The following INSL6 variants were observed in gnomAD, a reference collection of about 807,000 sequenced individuals.
INSL6 encodes the protein insulin like 6.
A neutral mutation model predicts 9.4 loss-of-function variants in INSL6; 16 were observed. That is an observed-to-expected ratio of 1.70 (90% CI 1.15 to 2.59). The LOEUF is 2.59. Among genes scored for constraint, INSL6 ranks in the 30% most tolerant of loss-of-function variants. INSL6 has a pLI of 0.00. For missense variants in INSL6, 391 were observed against 257.3 expected (o/e 1.52, Z -3.56); for synonymous variants, 154 against 96.9 (o/e 1.59, Z -3.46).
chr9:5,023,437 G>A, the INSL6 span, among the ~76,000 whole-genome samples: 2 of 152,280 alleles, frequency 1.3e-5, no homozygotes, highest in East Asian at 1.9e-4. Flanking sequence ...AGGACTCGGG[G>A]GGAGCGTGGG....
At chr9:5,016,975 G>A in the INSL6 span, among the ~76,000 whole-genome samples, 1 of 152,152 alleles carries the variant, frequency 6.6e-6, no homozygotes, top group Non-Finnish European at 1.5e-5. Context: ...AAAGTATGTA[G>A]TCATTTTTGA....
the INSL6 span, chr9:5,041,363 A>C: frequency 4.8e-6 from 3 of 629,076 alleles, no homozygotes; most frequent in Non-Finnish European, 8.8e-6. Flanking sequence ...CATGAGCATC[A>C]ACATGCACCT....
the INSL6 span, chr9:5,110,729 G>T: frequency 2.8e-6 from 1 of 361,144 alleles, no homozygotes; most frequent in African/African-American, 2.1e-5. Context: ...GCTGGCTATA[G>T]TACCCGTGTT....
chr9:5,168,750 T>A (rs1586873654), intron 1 of INSL6, among the ~76,000 whole-genome samples: 1 of 152,070 alleles, frequency 6.6e-6, no homozygotes, highest in East Asian at 1.9e-4. Context: ...AGATACTTCA[T>A]GAGAAGATCA....
At chr9:5,000,191 T>C in the INSL6 span, among the ~76,000 whole-genome samples, 4 of 152,314 alleles carry the variant, frequency 2.6e-5, no homozygotes, top group Admixed American at 6.5e-5. Context: ...GTTTATAATA[T>C]GCAGTCAAAT....
chr9:5,017,266 A>C, the INSL6 span, among the ~76,000 whole-genome samples: 2 of 152,236 alleles, frequency 1.3e-5, no homozygotes, highest in African/African-American at 4.8e-5. Flanking sequence ...GGTCTACTAA[A>C]AGATACATTT....
At chr9:4,995,492 A>C in the INSL6 span, among the ~76,000 whole-genome samples, 1 of 152,230 alleles carries the variant, frequency 6.6e-6, no homozygotes. Flanking sequence ...GTCCAGTTTC[A>C]ATACTATTTG....
the INSL6 span, among the ~76,000 whole-genome samples, chr9:4,998,237 GA>G: frequency 6.6e-6 from 1 of 151,700 alleles, no homozygotes; most frequent in South Asian, 2.1e-4. Flanking sequence ...GATCTTAAGG[GA>G]AAAAAAACTC....
chr9:5,120,634 A>C (rs891453307), downstream of INSL6, among the ~76,000 whole-genome samples: 1 of 152,174 alleles, frequency 6.6e-6, no homozygotes, highest in Non-Finnish European at 1.5e-5. Context: ...AGAAGTACCC[A>C]TTGGATGATC....
At chr9:5,053,665 C>G in the INSL6 span, among the ~76,000 whole-genome samples, 2 of 151,976 alleles carry the variant, frequency 1.3e-5, no homozygotes, top group African/African-American at 4.8e-5. Context: ...TGGCTATGTA[C>G]ATGCTTTCAA....
At chr9:5,012,861 G>T in the INSL6 span, among the ~76,000 whole-genome samples, 1 of 152,114 alleles carries the variant, frequency 6.6e-6, no homozygotes, top group Non-Finnish European at 1.5e-5. Flanking sequence ...AAATATGAGG[G>T]TGGCTCCTGT....
chr9:5,028,741 T>C, the INSL6 span, among the ~76,000 whole-genome samples: 1 of 152,230 alleles, frequency 6.6e-6, no homozygotes, highest in Non-Finnish European at 1.5e-5. Context: ...TTTCTTTTCT[T>C]AAACCTCATG....
At chr9:5,050,417 T>TATA in the INSL6 span, among the ~76,000 whole-genome samples, 7 of 152,108 alleles carry the variant, frequency 4.6e-5, no homozygotes, top group African/African-American at 1.2e-4. Context: ...ACTGCAGGTA[T>TATA]GTGCCACCAT....
At chr9:5,164,553 A>G (rs185692563) in intron 1 of INSL6, among the ~76,000 whole-genome samples, 38 of 152,342 alleles carry the variant, frequency 2.5e-4, no homozygotes, top group Admixed American at 1.4e-3. Flanking sequence ...GGGTCTTAGT[A>G]TATTCGCAGG....
chr9:5,109,128 A>T, the INSL6 span: 2 of 152,016 alleles, frequency 1.3e-5, no homozygotes, highest in Non-Finnish European at 2.9e-5. Flanking sequence ...ACTAATTACA[A>T]CCCTCTACTC....
chr9:5,140,593 T>C (rs1348772524), intron 2 of INSL6, among the ~76,000 whole-genome samples: 1 of 152,152 alleles, frequency 6.6e-6, no homozygotes, highest in Non-Finnish European at 1.5e-5. Flanking sequence ...ATGTCATTCT[T>C]TTGCTCAAAA....
chr9:5,182,839 T>C (rs1825489094), intron 1 of INSL6, among the ~76,000 whole-genome samples: 1 of 152,190 alleles, frequency 6.6e-6, no homozygotes, highest in Non-Finnish European at 1.5e-5. Context: ...GGTGCCACAT[T>C]ACGGGGTAGG....
At chr9:5,053,373 A>G in the INSL6 span, among the ~76,000 whole-genome samples, 122 of 152,194 alleles carry the variant, frequency 8.0e-4, no homozygotes, top group African/African-American at 2.8e-3. Context: ...TTCTGGATAC[A>G]AGTCTCCACA....
At chr9:5,119,332 T>C (rs1399710491), downstream of INSL6, among the ~76,000 whole-genome samples, 1 of 152,098 alleles carries the variant, frequency 6.6e-6, no homozygotes, top group African/African-American at 2.4e-5. Flanking sequence ...TAATGAAGCA[T>C]ATCCAGAGGT....
Sources: allele counts gnomAD v4.1 joint callset (sites outside exome capture counted in the v4.1 genomes callset), GRCh38; gene constraint gnomAD v4.1.1; transcripts MANE v1.5; gene names NCBI Gene and HGNC (gene_info 2026-07-23, HGNC 2026-07-21).